SYNCRIP: variants seen among roughly 807,000 people sequenced by gnomAD.
SYNCRIP encodes the protein synaptotagmin binding cytoplasmic RNA interacting protein.
SYNCRIP carries 9 observed loss-of-function variants against 68.9 expected under a neutral mutation model. That is an observed-to-expected ratio of 0.13 (90% CI 0.08 to 0.23). The LOEUF is 0.23. Ranked by LOEUF, SYNCRIP falls within the 10% of genes least tolerant of loss-of-function variation. The pLI is 1.00. For synonymous variants in SYNCRIP, 258 were observed against 254.0 expected (o/e 1.02, Z -0.15); for missense variants, 414 against 770.6 (o/e 0.54, Z 5.48).
chr6:85,630,222 T>C (rs959154671), intron 6 of SYNCRIP, among the ~76,000 whole-genome samples: 4 of 150,758 alleles, frequency 2.7e-5, no homozygotes, highest in Admixed American at 1.3e-4. Context: ...ATTAGCCGGG[T>C]GTGGTGGCAG....
At chr6:85,634,606 G>A (rs1287156893) in intron 6 of SYNCRIP, among the ~76,000 whole-genome samples, 3 of 149,696 alleles carry the variant, frequency 2.0e-5, no homozygotes, top group Non-Finnish European at 4.4e-5. Context: ...TGGGTTTTTT[G>A]GGAGTATCTT....
intron 4 of SYNCRIP, among the ~76,000 whole-genome samples, chr6:85,638,469 T>TC (rs1554188980): frequency 6.9e-6 from 1 of 145,248 alleles, no homozygotes; most frequent in Non-Finnish European, 1.5e-5. Context: ...CTCCACTGTC[T>TC]CAACCACAAA....
chr6:85,608,525 C>T (rs903369513), exon 12 of SYNCRIP: 2 of 151,978 alleles, frequency 1.3e-5, no homozygotes, highest in African/African-American at 2.4e-5. Context: ...GACAGTACTT[C>T]ACACATCTAA....
chr6:85,640,179 T>C, intron 4 of SYNCRIP, 42 bp downstream of exon 4: 1 of 1,402,274 alleles, frequency 7.1e-7, no homozygotes, highest in Non-Finnish European at 1.0e-6. Context: ...TAGGAAACAG[T>C]TAAAATGACT....
upstream of SYNCRIP, chr6:85,643,690 C>T (rs1423555857): frequency 3.1e-4 from 47 of 150,296 alleles, 1 homozygote; most frequent in Admixed American, 3.1e-3. Context: ...CGGTCCGGGG[C>T]TGGCGGGGCA....
intron 6 of SYNCRIP, among the ~76,000 whole-genome samples, chr6:85,626,894 GAAC>G (rs1443215350): frequency 1.3e-5 from 2 of 152,148 alleles, no homozygotes; most frequent in Admixed American, 6.5e-5. Flanking sequence ...TGTGGTCTCT[GAAC>G]AACATAAATA....
Position 85,614,808 on chromosome 6 carries a change from T to G in SYNCRIP, c.1820A>C (p.Lys607Thr). ...CTGATAAAACTCCTGGTTTTCAGAT[T>G]TGTAACCATAGTTACCAGAATGATC... ...GGDHSGNYGYKSENQEFYQDT... is the reference protein window; with the variant it reads ...GGDHSGNYGYTSENQEFYQDT... The change falls in exon 11 of 11, where the codon AAA becomes ACA. Residue 607 changes from lysine (K) to threonine (T), a missense_variant. Physicochemically the swap from Lys to Thr is moderately conservative, Grantham distance 78 (BLOSUM62 -1). This residue lies in a region of SYNCRIP where 130 missense variants were observed against 149.0 expected (regional missense o/e 0.87). Transcript: ENST00000369622. The G allele has an allele frequency of 6.2e-7, 1 of 1,612,658 alleles. No homozygotes were observed. Among genetic ancestry groups the G allele is most frequent in the Non-Finnish European group, 8.5e-7 (1 of 1,179,594 alleles).
chr6:85,622,979 T>C (rs1013028381), intron 7 of SYNCRIP, among the ~76,000 whole-genome samples: 2 of 152,252 alleles, frequency 1.3e-5, no homozygotes, highest in Admixed American at 6.5e-5. Flanking sequence ...AATTTTCATA[T>C]AATTGTTCTA....
chr6:85,624,153 T>C (rs536403087), intron 6 of SYNCRIP, 41 bp from the exon 7 acceptor site: 15 of 1,577,720 alleles, frequency 9.5e-6, no homozygotes, highest in South Asian at 6.7e-5. Flanking sequence ...AAATTACTTA[T>C]ACAACTAGAA....
chr6:85,632,680 G>A (rs1807938352), intron 6 of SYNCRIP, among the ~76,000 whole-genome samples: 1 of 152,240 alleles, frequency 6.6e-6, no homozygotes. Context: ...AGTGGCTCAT[G>A]CCTGTAATCC....
intron 4 of SYNCRIP, among the ~76,000 whole-genome samples, chr6:85,639,529 C>T (rs910499749): frequency 2.0e-5 from 3 of 152,156 alleles, no homozygotes; most frequent in African/African-American, 4.8e-5. Context: ...ATGCTCAAGG[C>T]CTATACCCTT....
At chr6:85,630,718 C>G (rs1047074188) in intron 6 of SYNCRIP, among the ~76,000 whole-genome samples, 4 of 152,106 alleles carry the variant, frequency 2.6e-5, no homozygotes, top group Non-Finnish European at 5.9e-5. Flanking sequence ...CCATGAGTTA[C>G]ATAAGAATAT....
chr6:85,621,161 G>C (rs1422679093), intron 8 of SYNCRIP, among the ~76,000 whole-genome samples: 1 of 152,148 alleles, frequency 6.6e-6, no homozygotes, highest in African/African-American at 2.4e-5. Context: ...AGAATTTATA[G>C]GCCAGAGGAA....
chr6:85,632,007 A>AT (rs1339223055), intron 6 of SYNCRIP, among the ~76,000 whole-genome samples: 1 of 152,142 alleles, frequency 6.6e-6, no homozygotes, highest in Non-Finnish European at 1.5e-5. Context: ...TTACAAATGG[A>AT]TTTTTTTCAT....
upstream of SYNCRIP, chr6:85,643,740 G>A (rs1287792813): frequency 6.6e-6 from 1 of 151,886 alleles, no homozygotes; most frequent in Non-Finnish European, 1.5e-5. Flanking sequence ...GCTTCCCGGA[G>A]GGCACCCACC....
At chr6:85,609,851 T>C (rs1805108757), downstream of SYNCRIP, 1 of 151,950 alleles carries the variant, frequency 6.6e-6, no homozygotes, top group Admixed American at 6.6e-5. Context: ...GACCCTTTCC[T>C]TGACAATATA....
chr6:85,630,255 G>A (rs368123586), intron 6 of SYNCRIP, among the ~76,000 whole-genome samples: 26 of 152,102 alleles, frequency 1.7e-4, no homozygotes, highest in African/African-American at 4.8e-4. Context: ...CCAGCTACTC[G>A]GAGGCTGAGT....
rs767357943 is a variant in SYNCRIP at position 85,615,038 on chromosome 6, T to C, written c.1590A>G (p.Gly530=). Residue 530 remains glycine (G), a synonymous_variant, in exon 11 of 11, where the codon GGA becomes GGG. Coordinates refer to ENST00000369622, the MANE Select transcript of SYNCRIP (RefSeq NM_006372.5). ...RAGYSQRGGP[G]SARGVRGARG... ...TCGCACCTCGAACGCCTCTTGCTGA[T>C]CCAGGACCTCCTCTCTGTGAATAAC... 4 of 1,614,112 alleles carry C rather than the reference T, an allele frequency of 2.5e-6. 1 individual carries two copies. The South Asian group carries it at 4.4e-5, about 18-fold the overall frequency.
chr6:85,626,039 T>C (rs1806995057), intron 6 of SYNCRIP, among the ~76,000 whole-genome samples: 1 of 152,230 alleles, frequency 6.6e-6, no homozygotes, highest in Non-Finnish European at 1.5e-5. Context: ...AGATCAGCAG[T>C]GCTGAGGTTA....
Sources: gnomAD v4.1 joint callset for allele counts (sites outside exome capture counted in the v4.1 genomes callset) on GRCh38, gnomAD v4.1.1 for gene constraint, gnomAD v4.1.1 regional missense constraint, MANE v1.5 for transcripts, NCBI Gene and HGNC (gene_info 2026-07-23, HGNC 2026-07-21) for gene names.